FBXL13: variants seen among roughly 807,000 people sequenced by gnomAD.
FBXL13 encodes F-box and leucine-rich repeat protein 13.
In FBXL13, 67 loss-of-function variants were observed where a neutral mutation model predicts 83.6. The ratio of observed to expected loss-of-function variants is 0.80; its 90% CI spans 0.66 to 0.98. The LOEUF (loss-of-function observed/expected upper bound fraction) is 0.98, where lower values mean the gene tolerates loss of function less well. Ranked by LOEUF, FBXL13 falls within the 50% of genes least tolerant of loss-of-function variation. FBXL13 has a pLI of 0.00. For missense variants in FBXL13, 822 were observed against 866.5 expected (o/e 0.95, Z 0.64); for synonymous variants, 272 against 299.5 (o/e 0.91, Z 0.95).
intron 17 of FBXL13, among the ~76,000 whole-genome samples, chr7:102,838,822 C>T (rs553794725): frequency 2.6e-5 from 4 of 152,302 alleles, no homozygotes; most frequent in African/African-American, 9.6e-5. Context: ...GGGACCTCTG[C>T]CCTGGAAAGC....
At chr7:102,893,114 G>C (rs549369626) in intron 11 of FBXL13, among the ~76,000 whole-genome samples, 1 of 152,156 alleles carries the variant, frequency 6.6e-6, no homozygotes, top group Admixed American at 6.5e-5. Context: ...TCCAATTAAC[G>C]TTTATTGACA....
chr7:102,923,651 T>G (rs140593905), intron 10 of FBXL13, among the ~76,000 whole-genome samples: 1 of 151,364 alleles, frequency 6.6e-6, no homozygotes, highest in Non-Finnish European at 1.5e-5. Flanking sequence ...TGAAACCCCA[T>G]CTCTACTAAA....
At chr7:102,973,664 C>T (rs1464971635) in intron 6 of FBXL13, 1 of 766,402 alleles carries the variant, frequency 1.3e-6, no homozygotes, top group South Asian at 1.3e-5. Flanking sequence ...CCCCCGTGGA[C>T]CTACCCCTCC....
At chr7:102,932,244 G>T (rs1187188830) in intron 8 of FBXL13, among the ~76,000 whole-genome samples, 1 of 151,992 alleles carries the variant, frequency 6.6e-6, no homozygotes, top group Non-Finnish European at 1.5e-5. Context: ...AACCAACCTG[G>T]TTTTTTGTGC....
At chr7:102,970,534 AT>A (rs1826523077) in intron 6 of FBXL13, among the ~76,000 whole-genome samples, 1 of 152,288 alleles carries the variant, frequency 6.6e-6, no homozygotes, top group South Asian at 2.1e-4. Flanking sequence ...AGAAATAAAT[AT>A]CATTCTCTCT....
intron 11 of FBXL13, among the ~76,000 whole-genome samples, chr7:102,911,458 C>T (rs1026672773): frequency 6.6e-6 from 1 of 152,034 alleles, no homozygotes; most frequent in Non-Finnish European, 1.5e-5. Context: ...TTAAGTTGTT[C>T]CTGAGTTTGC....
chr7:102,881,530 A>G (rs1007707876), intron 14 of FBXL13, among the ~76,000 whole-genome samples: 6 of 147,076 alleles, frequency 4.1e-5, no homozygotes, highest in Non-Finnish European at 8.9e-5. Context: ...ATTCATACAG[A>G]TAGAATTAGT....
intron 18 of FBXL13, among the ~76,000 whole-genome samples, chr7:102,830,951 G>C (rs181759843): frequency 6.6e-6 from 1 of 152,096 alleles, no homozygotes; most frequent in Non-Finnish European, 1.5e-5. Flanking sequence ...TTTTGTTCAC[G>C]ATTAAGAGTG....
At chr7:102,814,077 T>G (rs1797663411) in intron 19 of FBXL13, among the ~76,000 whole-genome samples, 1 of 152,078 alleles carries the variant, frequency 6.6e-6, no homozygotes. Flanking sequence ...AACACAGTAT[T>G]AAAAAATACT....
chr7:102,973,920 C>T (rs1827100335), intron 6 of FBXL13: 1 of 652,238 alleles, frequency 1.5e-6, no homozygotes, highest in South Asian at 1.7e-5. Context: ...CGCCTCTAAG[C>T]CATTTGATCC....
intron 16 of FBXL13, among the ~76,000 whole-genome samples, chr7:102,874,901 T>A (rs887919903): frequency 6.6e-6 from 1 of 152,208 alleles, no homozygotes; most frequent in African/African-American, 2.4e-5. Flanking sequence ...CCTCTGTAGA[T>A]AAAATTTTAA....
At chr7:102,830,008 T>C (rs17136087) in intron 18 of FBXL13, among the ~76,000 whole-genome samples, 4,436 of 152,264 alleles carry the variant, frequency 0.029, 187 homozygotes, top group East Asian at 0.16. Flanking sequence ...TAAAGCTAAA[T>C]CTTTCTACTC....
chr7:102,909,004 C>T (rs1427820626), intron 11 of FBXL13, among the ~76,000 whole-genome samples: 1 of 152,204 alleles, frequency 6.6e-6, no homozygotes, highest in African/African-American at 2.4e-5. Flanking sequence ...CCCCCAGACC[C>T]CAGGTGAGTC....
chr7:102,905,351 T>A (rs1813597708), intron 11 of FBXL13, among the ~76,000 whole-genome samples: 1 of 152,250 alleles, frequency 6.6e-6, no homozygotes. Flanking sequence ...GGCTTCTTTA[T>A]CATTACATAG....
rs567066710 is a variant in FBXL13 at position 102,925,570 on chromosome 7, A to C, written c.878+704T>G. On this transcript the variant is annotated intron_variant, in intron 10 of 19. Coordinates refer to ENST00000313221, the Ensembl canonical transcript of FBXL13. ...GCTCCCTAGAGGTGGTGGGAGTCTC[A>C]ACAGGTAGCCAGAGCATGGGAACAG... Among the ~76,000 whole-genome samples, 4 of 152,304 alleles carry C rather than the reference A, an allele frequency of 2.6e-5. No homozygotes were observed. The Middle Eastern group carries it at 0.01, about 389-fold the overall frequency.
At chr7:102,873,089 C>T (rs962004049) in intron 16 of FBXL13, among the ~76,000 whole-genome samples, 1 of 152,174 alleles carries the variant, frequency 6.6e-6, no homozygotes, top group Non-Finnish European at 1.5e-5. Flanking sequence ...TTCTAAATGT[C>T]TGGATTTTTG....
At chr7:102,995,524 C>G (rs924200334) in intron 6 of FBXL13, among the ~76,000 whole-genome samples, 4 of 147,088 alleles carry the variant, frequency 2.7e-5, no homozygotes, top group Non-Finnish European at 4.5e-5. Flanking sequence ...CACAGTGGCT[C>G]ACGCCTGTAA....
At chr7:103,074,760 A>G (rs936326894), upstream of FBXL13, 3 of 1,289,612 alleles carry the variant, frequency 2.3e-6, no homozygotes, top group African/African-American at 4.6e-5. Context: ...GGCATTGCGT[A>G]GCGAGGCCAT....
At chr7:102,911,192 A>G (rs1327143957) in intron 11 of FBXL13, among the ~76,000 whole-genome samples, 2 of 152,182 alleles carry the variant, frequency 1.3e-5, no homozygotes, top group African/African-American at 4.8e-5. Flanking sequence ...TTTTGTATGC[A>G]TATCTGGGCA....
Sources: allele counts gnomAD v4.1 joint callset (sites outside exome capture counted in the v4.1 genomes callset), GRCh38; gene constraint gnomAD v4.1.1; transcripts MANE v1.5; gene names NCBI Gene and HGNC (gene_info 2026-07-23, HGNC 2026-07-21).